Variants in LOXHD1 observed in about 807,000 individuals in gnomAD.
The protein encoded by LOXHD1 is lipoxygenase homology PLAT domains 1, also known as lipoxygenase homology domain-containing protein 1.
LOXHD1 carries 205 observed loss-of-function variants against 248.2 expected under a neutral mutation model. The observed-to-expected ratio is 0.83, with a 90% confidence interval of 0.74 to 0.93. LOXHD1 has a LOEUF of 0.93. Ranked by LOEUF, LOXHD1 falls within the 40% of genes least tolerant of loss-of-function variation. The pLI is 0.00. For missense variants in LOXHD1, 2,930 were observed against 2,971.6 expected, an observed-to-expected ratio of 0.99 and a Z score of 0.33; for synonymous variants, 1,113 against 1,162.8, an observed-to-expected ratio of 0.96 and a Z score of 0.87.
At chr18:46,548,725 G>A in intron 21 of LOXHD1, among the ~76,000 whole-genome samples, 1 of 152,118 alleles carries the variant, frequency 6.6e-6, no homozygotes, top group East Asian at 1.9e-4. Flanking sequence ...GAGTGTGTAG[G>A]AAGTTGGCAG....
chr18:46,620,291 G>A (rs1423158271), intron 4 of LOXHD1, among the ~76,000 whole-genome samples: 1 of 152,164 alleles, frequency 6.6e-6, no homozygotes, highest in Non-Finnish European at 1.5e-5. Context: ...ACTTCACAGA[G>A]GCAAGACCCC....
chr18:46,600,454 C>T (rs2144277292), intron 8 of LOXHD1, among the ~76,000 whole-genome samples: 1 of 152,194 alleles, frequency 6.6e-6, no homozygotes, highest in South Asian at 2.1e-4. Flanking sequence ...CAAAATTAGC[C>T]AGGCATGGTG....
chr18:46,591,942 T>A lies in LOXHD1; in HGVS notation c.1645A>T (p.Ile549Phe). 1 of 1,551,806 alleles carries A rather than the reference T, an allele frequency of 6.4e-7. No homozygotes were observed. The highest frequency in any genetic ancestry group is 8.7e-7 in the Non-Finnish European group (1 of 1,146,976). Residue 549 changes from isoleucine (I) to phenylalanine (F), a missense_variant, in exon 12 of 41, where the codon ATC (isoleucine) becomes TTC (phenylalanine). Transcript: ENST00000642948. ...GCCTGTCAGTACTTACTGCCCATGA[T>A]CCTGCGCACTGTTGGGCCTTCTGCA... is the stretch of plus-strand genomic sequence containing the variant. ...MTAEGPTVRR[I>F]MGMARYHVTV... is the part of the protein sequence containing the mutation.
intron 13 of LOXHD1, among the ~76,000 whole-genome samples, chr18:46,578,766 G>A (rs2037906512): frequency 6.6e-6 from 1 of 152,244 alleles, no homozygotes. Context: ...TCTGTACTCA[G>A]CATCCACTGT....
Position 46,574,419 on chromosome 18 carries a change from A to ACACACACACACC in LOXHD1, c.1971-2258_1971-2257insGGTGTGTGTGTG, listed in dbSNP as rs1357990413. ...CACACACACACACACACACACACAC[A>ACACACACACACC]CCTGATCCTAGCAGAAATTCTGATA... On this transcript the variant is annotated intron_variant, in intron 14 of 40. Coordinates refer to ENST00000642948, the MANE Select transcript of LOXHD1 (RefSeq NM_001384474.1). Among the ~76,000 whole-genome samples, 518 of 149,026 alleles carry ACACACACACACC rather than the reference A, an allele frequency of 3.5e-3. 7 individuals are homozygous for ACACACACACACC. The highest frequency in any genetic ancestry group is 0.012 in the African/African-American group (495 of 39,930).
At chr18:46,639,493 G>A (rs2038935479) in intron 4 of LOXHD1, 123 bp downstream of exon 4, 1 of 1,190,866 alleles carries the variant, frequency 8.4e-7, no homozygotes, top group Non-Finnish European at 1.2e-6. Flanking sequence ...CAACAGGAAG[G>A]CCCTGGAGGC....
At chr18:46,615,867 T>C (rs930580444) in intron 5 of LOXHD1, among the ~76,000 whole-genome samples, 1 of 152,232 alleles carries the variant, frequency 6.6e-6, no homozygotes, top group African/African-American at 2.4e-5. Flanking sequence ...ATCTTGGGAA[T>C]ATGTTGTTAA....
chr18:46,563,050 C>T lies in LOXHD1; in HGVS notation c.2598+15G>A. ...GAGCCTGCTGTTGGCACCCCCGCTC[C>T]TCGACCCCACATACCTGGAATGTGT... On this transcript the variant is annotated intron_variant, in intron 18 of 40. Coordinates refer to ENST00000642948, the MANE Select transcript of LOXHD1 (RefSeq NM_001384474.1). The T allele has an allele frequency of 6.5e-7, 1 of 1,527,890 alleles. No individual in the cohort carries two copies. The highest frequency in any genetic ancestry group is 8.9e-7 in the Non-Finnish European group (1 of 1,127,686). The allele number at this position is 1,527,890 out of a possible 1,614,324, so 94.6% of individuals were successfully genotyped here.
chr18:46,620,644 A>T (rs1000304605), intron 4 of LOXHD1, among the ~76,000 whole-genome samples: 13 of 152,194 alleles, frequency 8.5e-5, no homozygotes, highest in Admixed American at 3.3e-4. Context: ...ATCCCTAGAG[A>T]CACCTGACAG....
chr18:46,646,548 C>G (rs2039032977), intron 2 of LOXHD1, among the ~76,000 whole-genome samples: 1 of 152,176 alleles, frequency 6.6e-6, no homozygotes, highest in Admixed American at 6.5e-5. Context: ...AGTTGAAACT[C>G]CACCGGTCAG....
chr18:46,595,883 G>GT (rs1365088609), intron 8 of LOXHD1, among the ~76,000 whole-genome samples: 2 of 152,026 alleles, frequency 1.3e-5, no homozygotes, highest in Admixed American at 6.6e-5. Flanking sequence ...GGTTAGTTTT[G>GT]TTTTTTTAAG....
intron 13 of LOXHD1, among the ~76,000 whole-genome samples, chr18:46,578,310 A>G (rs1164893086): frequency 6.6e-6 from 1 of 152,198 alleles, no homozygotes; most frequent in African/African-American, 2.4e-5. Flanking sequence ...CAGTAGGGGC[A>G]ACAGAGTTTC....
At chr18:46,484,187 G>A (rs764661874) in intron 39 of LOXHD1, among the ~76,000 whole-genome samples, 1 of 152,130 alleles carries the variant, frequency 6.6e-6, no homozygotes, top group Non-Finnish European at 1.5e-5. Context: ...AGGTATGGGT[G>A]CAGGCAGCCT....
At chr18:46,559,740 C>G in intron 19 of LOXHD1, 138 bp from the exon 20 acceptor site, 1 of 1,001,206 alleles carries the variant, frequency 1.0e-6, no homozygotes, top group African/African-American at 1.6e-5. Context: ...GGGACTGAAA[C>G]TGCCCACACT....
In LOXHD1 at chr18:46,505,922, G is replaced by A. The variant is rs752703586; in HGVS notation, c.5794C>T (p.Arg1932Trp). The change falls in exon 37 of 41, where the codon CGG (arginine) becomes TGG (tryptophan). Residue 1932 changes from arginine to tryptophan, a missense_variant. Physicochemically the swap from Arg to Trp is moderately radical, Grantham distance 101. Transcript: ENST00000642948. ...KQSANWNKFE[R>W]NNTDTFNFPD... ...AAGTTGAATGTGTCCGTGTTGTTCC[G>A]CTCAAACTTGTTCCAGTTTGCCGAC... The A allele has an allele frequency of 2.5e-5, 39 of 1,551,806 alleles. No individual in the cohort carries two copies. Among genetic ancestry groups the A allele is most frequent in the South Asian group, 3.6e-5 (3 of 84,052 alleles).
intron 21 of LOXHD1, among the ~76,000 whole-genome samples, chr18:46,557,031 C>T (rs1307847735): frequency 1.3e-5 from 2 of 150,170 alleles, no homozygotes; most frequent in Non-Finnish European, 3.0e-5. Context: ...TTTTCGACGT[C>T]ACAGCCAGTC....
rs74728106 is a variant in LOXHD1 at position 46,572,693 on chromosome 18, G to A, written c.1971-531C>T. Among the ~76,000 whole-genome samples, 646 of 152,258 alleles carry A rather than the reference G, an allele frequency of 4.2e-3. 1 individual carries two copies. The highest frequency in any genetic ancestry group is 0.017 in the Middle Eastern group (5 of 294). On this transcript the variant is annotated intron_variant, in intron 14 of 40. Transcript: ENST00000642948. ...CTTTCCATCCTCATGGCACTGTGCT[G>A]AGGGCTCTGGGGTGGGGAGATGGCA...
intron 3 of LOXHD1, among the ~76,000 whole-genome samples, chr18:46,640,890 G>A (rs2038954495): frequency 6.6e-6 from 1 of 152,090 alleles, no homozygotes; most frequent in Non-Finnish European, 1.5e-5. Flanking sequence ...TCTTACCCCT[G>A]TGAGGCTTTA....
chr18:46,614,460 A>G (rs910489031), intron 5 of LOXHD1, among the ~76,000 whole-genome samples: 12 of 152,334 alleles, frequency 7.9e-5, no homozygotes, highest in Non-Finnish European at 1.3e-4. Context: ...TGAGCAAACT[A>G]TCGCAAGGAT....
Sources: allele counts gnomAD v4.1 joint callset (sites outside exome capture counted in the v4.1 genomes callset), GRCh38; gene constraint gnomAD v4.1.1; transcripts MANE v1.5; gene names NCBI Gene and HGNC (gene_info 2026-07-23, HGNC 2026-07-21).